SCFD2: variants seen among roughly 807,000 people sequenced by gnomAD.
The protein encoded by SCFD2 is sec1 family domain-containing protein 2.
In SCFD2, 54 loss-of-function variants were observed where a neutral mutation model predicts 58.9. That is an observed-to-expected ratio of 0.92 (90% CI 0.74 to 1.15). The LOEUF is 1.15. Ranked by LOEUF, SCFD2 falls within the 50% of genes most tolerant of loss-of-function variation. SCFD2 has a pLI of 0.00. For missense variants in SCFD2, 805 were observed against 836.6 expected (o/e 0.96, Z 0.47); for synonymous variants, 321 against 335.9 (o/e 0.96, Z 0.49).
chr4:53,005,863 G>T (rs146460235), intron 5 of SCFD2, among the ~76,000 whole-genome samples: 1 of 152,274 alleles, frequency 6.6e-6, no homozygotes, highest in African/African-American at 2.4e-5. Flanking sequence ...TTCACCAACA[G>T]GGTTTTCTGC....
At chr4:52,975,357 G>A (rs535987055) in intron 5 of SCFD2, among the ~76,000 whole-genome samples, 20 of 152,202 alleles carry the variant, frequency 1.3e-4, no homozygotes, top group South Asian at 1.2e-3. Context: ...AAAAGTAGGC[G>A]AAGGATATGA....
At chr4:53,149,456 G>A (rs1726442968) in intron 4 of SCFD2, among the ~76,000 whole-genome samples, 1 of 152,148 alleles carries the variant, frequency 6.6e-6, no homozygotes, top group Admixed American at 6.5e-5. Flanking sequence ...AGTCCATATT[G>A]ATATAAATGA....
chr4:53,363,544 T>C (rs989712175), intron 1 of SCFD2, among the ~76,000 whole-genome samples: 1 of 151,992 alleles, frequency 6.6e-6, no homozygotes. Flanking sequence ...TTATTCTGTA[T>C]GTTTAAAAAA....
rs201607709 is a variant in SCFD2 at position 53,365,096 on chromosome 4, G to A, written c.838+8C>T. The A allele has an allele frequency of 3.7e-4, 597 of 1,612,798 alleles. 1 individual carries two copies. Among genetic ancestry groups the A allele is most frequent in the Non-Finnish European group, 4.8e-4 (571 of 1,179,324 alleles). ...TGGTAATGAAGAACTCCAGAGCAAT[G>A]CACTTACCTGTGAGATCCAGGGTTC... On this transcript the variant is annotated splice_region_variant and intron_variant, in intron 1 of 8. Transcript: ENST00000401642. The surrounding 1 kb of genome is among the most constrained non-coding windows in gnomAD (Gnocchi z 4.3).
intron 5 of SCFD2, among the ~76,000 whole-genome samples, chr4:53,098,337 G>A (rs184621268): frequency 0.012 from 1,756 of 152,182 alleles, 19 homozygotes; most frequent in Middle Eastern, 0.034. Context: ...CTGTGAATCC[G>A]TCAGGTCCTG....
chr4:52,953,006 G>A (rs1720636255), intron 5 of SCFD2, among the ~76,000 whole-genome samples: 1 of 152,180 alleles, frequency 6.6e-6, no homozygotes, highest in Non-Finnish European at 1.5e-5. Context: ...TGTCCCATAG[G>A]CCCAGCAACT....
At chr4:53,283,362 T>TA (rs1327305647) in intron 3 of SCFD2, among the ~76,000 whole-genome samples, 2 of 152,246 alleles carry the variant, frequency 1.3e-5, no homozygotes, top group Non-Finnish European at 2.9e-5. Flanking sequence ...ATTCTACTGT[T>TA]AAAACATATT....
intron 3 of SCFD2, among the ~76,000 whole-genome samples, chr4:53,298,807 C>T (rs1384252277): frequency 6.6e-6 from 1 of 152,176 alleles, no homozygotes; most frequent in Non-Finnish European, 1.5e-5. Context: ...TGTTCTGCAG[C>T]CACCGCTGCT....
In SCFD2 at chr4:53,234,172, T is replaced by G. The variant is rs539205068; in HGVS notation, c.1311+39654A>C. Among the ~76,000 whole-genome samples the G allele has an allele frequency of 3.3e-5, 5 of 151,950 alleles. No homozygotes were observed. The East Asian group carries it at 9.7e-4, about 29-fold the overall frequency. The stretch of plus-strand genomic sequence containing the variant: ...CATTACAAAAGAAATTGTATGCACA[T>G]CCAAAAAAAAATATTTGTTTCAGTT... On this transcript the variant is annotated intron_variant, in intron 4 of 8. Coordinates refer to ENST00000401642, the MANE Select transcript of SCFD2 (RefSeq NM_152540.4).
At chr4:52,893,208 CCCTT>C (rs759696072) in intron 7 of SCFD2, among the ~76,000 whole-genome samples, 3 of 152,032 alleles carry the variant, frequency 2.0e-5, no homozygotes, top group Non-Finnish European at 2.9e-5. Context: ...CCTCTCCTCT[CCCTT>C]TCTTTCTTTT....
chr4:53,092,508 T>C (rs1390217872), intron 5 of SCFD2, among the ~76,000 whole-genome samples: 1 of 152,086 alleles, frequency 6.6e-6, no homozygotes, highest in African/African-American at 2.4e-5. Flanking sequence ...TCATAGTAGC[T>C]TTATTTTTAA....
chr4:53,042,969 A>G (rs962180797), intron 5 of SCFD2, among the ~76,000 whole-genome samples: 2 of 152,174 alleles, frequency 1.3e-5, no homozygotes, highest in Non-Finnish European at 2.9e-5. Context: ...AAGGGAAACC[A>G]GAAAGCACGT....
chr4:53,158,081 G>A (rs1196178692), intron 4 of SCFD2, among the ~76,000 whole-genome samples: 1 of 152,140 alleles, frequency 6.6e-6, no homozygotes, highest in East Asian at 1.9e-4. Context: ...GTACATGAAT[G>A]GCCTCAGAAC....
At chr4:52,911,769 G>A (rs927881930) in intron 6 of SCFD2, among the ~76,000 whole-genome samples, 21 of 152,116 alleles carry the variant, frequency 1.4e-4, no homozygotes, top group East Asian at 5.8e-4. Context: ...TCAAGCTATT[G>A]TCTCTCAATT....
At chr4:53,313,785 A>T (rs1732768756) in intron 2 of SCFD2, 22 bp from the exon 3 acceptor site, 1 of 1,613,332 alleles carries the variant, frequency 6.2e-7, no homozygotes. Context: ...TCACAAAAAG[A>T]GCTTTAGAAT....
chr4:53,280,275 G>A (rs1405709613), intron 3 of SCFD2, among the ~76,000 whole-genome samples: 1 of 152,102 alleles, frequency 6.6e-6, no homozygotes, highest in Non-Finnish European at 1.5e-5. Flanking sequence ...CAGCACTTTG[G>A]GAGGCTGAGG....
chr4:53,095,833 T>TTATATAGGTA (rs200558842), intron 5 of SCFD2, among the ~76,000 whole-genome samples: 24,853 of 151,978 alleles, frequency 0.16, 2,457 homozygotes, highest in Middle Eastern at 0.26. Flanking sequence ...AACTCGTCAT[T>TTATATAGGTA]TACATTAGGT....
At chr4:53,236,028 T>G (rs1729594982) in intron 4 of SCFD2, among the ~76,000 whole-genome samples, 1 of 152,152 alleles carries the variant, frequency 6.6e-6, no homozygotes, top group African/African-American at 2.4e-5. Context: ...TAAACTTGGA[T>G]TGAAGGATAC....
chr4:52,878,301 G>A (rs527553247), intron 8 of SCFD2, among the ~76,000 whole-genome samples: 2 of 152,314 alleles, frequency 1.3e-5, no homozygotes, highest in South Asian at 4.1e-4. Flanking sequence ...CGGTCACTGG[G>A]AAGTTTTCAC....
Sources: gnomAD v4.1 joint callset for allele counts (sites outside exome capture counted in the v4.1 genomes callset) on GRCh38, gnomAD v4.1.1 for gene constraint, Gnocchi (gnomAD v3.1) non-coding constraint, MANE v1.5 for transcripts, NCBI Gene and HGNC (gene_info 2026-07-23, HGNC 2026-07-21) for gene names.